Variants in IGF1R observed in about 807,000 individuals in gnomAD.
IGF1R encodes insulin-like growth factor 1 receptor.
A neutral mutation model predicts 144.6 loss-of-function variants in IGF1R; 44 were observed. The ratio of observed to expected loss-of-function variants is 0.30; its 90% CI spans 0.24 to 0.39. IGF1R has a LOEUF of 0.39. Among genes scored for constraint, IGF1R ranks in the 10% least tolerant of loss-of-function variants. The probability of loss-of-function intolerance (pLI) is 1.00; values close to 1 mark genes in which losing one functional copy is unlikely to be tolerated. For missense variants in IGF1R, 1,355 were observed against 1,833.7 expected (o/e 0.74, Z 4.77); for synonymous variants, 795 against 722.8 (o/e 1.10, Z -1.60).
chr15:98,908,812 A>G lies in IGF1R; in HGVS notation c.1375A>G (p.Ile459Val). 1 of 1,614,154 alleles carries G rather than the reference A, an allele frequency of 6.2e-7. No individual in the cohort carries two copies. The highest frequency in any genetic ancestry group is 8.5e-7 in the Non-Finnish European group (1 of 1,180,014). ...AFNPKLCVSE[I>V]YRMEEVTGTK... ...CAATCCCAAATTATGTGTTTCCGAA[A>G]TTTACCGCATGGAGGAAGTGACGGG... Residue 459 changes from isoleucine to valine, a missense_variant, in exon 6 of 21, where the codon ATT becomes GTT. Ile to Val is a conservative substitution (Grantham distance 29, BLOSUM62 3). Transcript: ENST00000650285.
At chr15:98,824,518 G>A (rs1160830150) in intron 2 of IGF1R, among the ~76,000 whole-genome samples, 1 of 152,212 alleles carries the variant, frequency 6.6e-6, no homozygotes, top group Non-Finnish European at 1.5e-5. Flanking sequence ...TCTCTGTGAT[G>A]TGAAGTCCTA....
chr15:98,723,726 C>T (rs1167369930), intron 2 of IGF1R, among the ~76,000 whole-genome samples: 1 of 152,188 alleles, frequency 6.6e-6, no homozygotes, highest in Non-Finnish European at 1.5e-5. Context: ...CATCCCCGGG[C>T]CTGGAAGATA....
At chr15:98,896,392 G>A (rs2014198950) in intron 3 of IGF1R, among the ~76,000 whole-genome samples, 1 of 152,130 alleles carries the variant, frequency 6.6e-6, no homozygotes, top group Non-Finnish European at 1.5e-5. Context: ...AAGCAGCTCT[G>A]TTTTCCTCCA....
chr15:98,852,115 G>A (rs2011551603), intron 2 of IGF1R, among the ~76,000 whole-genome samples: 2 of 152,344 alleles, frequency 1.3e-5, no homozygotes, highest in South Asian at 4.1e-4. Flanking sequence ...TAAAACCTAA[G>A]ACGAAGAAGA....
Position 98,948,691 on chromosome 15 carries a change from C to A in IGF1R, c.3705C>A (p.Asp1235Glu), listed in dbSNP as rs1267599624. The change falls in exon 20 of 21, where the codon GAC becomes GAA. Residue 1235 changes from aspartate to glutamate, a missense_variant. This residue lies in a region of IGF1R where 219 missense variants were observed against 188.8 expected (regional missense o/e 1.16). Transcript: ENST00000650285. ...AGGGCGGCCTTCTGGACAAGCCAGA[C>A]AACTGTCCTGACATGCTGTACGTAC... ...VMEGGLLDKP[D>E]NCPDMLFELM... The A allele has an allele frequency of 5.6e-6, 9 of 1,614,064 alleles. No homozygotes were observed. Among genetic ancestry groups the A allele is most frequent in the Non-Finnish European group, 7.6e-6 (9 of 1,180,036 alleles).
intron 10 of IGF1R, among the ~76,000 whole-genome samples, chr15:98,921,603 C>T (rs1302916082): frequency 6.6e-6 from 1 of 151,998 alleles, no homozygotes; most frequent in African/African-American, 2.4e-5. Context: ...AGAGAGAGCC[C>T]TGGGGTCCGT....
At chr15:98,850,947 T>C (rs1009496916) in intron 2 of IGF1R, among the ~76,000 whole-genome samples, 5 of 152,102 alleles carry the variant, frequency 3.3e-5, no homozygotes, top group Admixed American at 1.3e-4. Context: ...CCTGGTATGC[T>C]CAGGGTCTAC....
At chr15:98,952,303 A>ACACACACACACACACAC (rs2016808542) in intron 20 of IGF1R, among the ~76,000 whole-genome samples, 1 of 146,572 alleles carries the variant, frequency 6.8e-6, no homozygotes, top group Admixed American at 6.8e-5. Flanking sequence ...GTACCCCACC[A>ACACACACACACACACAC]ACACACACAC....
At chr15:98,831,926 G>GCCACCTA (rs1392644707) in intron 2 of IGF1R, among the ~76,000 whole-genome samples, 4 of 152,072 alleles carry the variant, frequency 2.6e-5, no homozygotes, top group Admixed American at 6.5e-5. Flanking sequence ...CTGGTTTCTA[G>GCCACCTA]GTGGGTAAGG....
chr15:98,701,635 G>A lies in IGF1R; in HGVS notation c.95-5927G>A, dbSNP rs1021293111. Among the ~76,000 whole-genome samples, 22 of 152,130 alleles carry A rather than the reference G, an allele frequency of 1.4e-4. No individual in the cohort carries two copies. The South Asian group carries it at 1.7e-3, about 11-fold the overall frequency. Reference sequence around the variant, plus strand: ...ATTACAGGCATGAGCCGCCGCACCCGGCCAACCTATCCCATATTTTTAAAG... The same window carrying A: ...ATTACAGGCATGAGCCGCCGCACCCAGCCAACCTATCCCATATTTTTAAAG... On this transcript the variant is annotated intron_variant, in intron 1 of 20. Transcript: ENST00000650285.
intron 2 of IGF1R, among the ~76,000 whole-genome samples, chr15:98,792,730 T>A (rs2056155022): frequency 6.6e-6 from 1 of 152,248 alleles, no homozygotes; most frequent in Non-Finnish European, 1.5e-5. Flanking sequence ...GGCTGCTTCC[T>A]TGAACTTAGC....
At chr15:98,763,780 C>A (rs1025652704) in intron 2 of IGF1R, among the ~76,000 whole-genome samples, 1 of 152,152 alleles carries the variant, frequency 6.6e-6, no homozygotes, top group Non-Finnish European at 1.5e-5. Flanking sequence ...CCGAATAAAG[C>A]CTACTTCCAA....
intron 2 of IGF1R, among the ~76,000 whole-genome samples, chr15:98,862,144 T>G (rs1372112851): frequency 1.3e-5 from 2 of 152,212 alleles, no homozygotes; most frequent in Non-Finnish European, 2.9e-5. Flanking sequence ...CAATAAAGAT[T>G]TTTGCTGTTG....
chr15:98,931,865 A>G (rs997146122), intron 15 of IGF1R, among the ~76,000 whole-genome samples: 2 of 152,192 alleles, frequency 1.3e-5, no homozygotes, highest in African/African-American at 2.4e-5. Context: ...ATCCAGCAAG[A>G]AGATAGATAT....
At chr15:98,676,046 T>C (rs933473982) in intron 1 of IGF1R, among the ~76,000 whole-genome samples, 1 of 152,074 alleles carries the variant, frequency 6.6e-6, no homozygotes, top group South Asian at 2.1e-4. Flanking sequence ...GCCTGGCTGG[T>C]GTTGAACTCC....
At chr15:98,853,029 A>G (rs1280097310) in intron 2 of IGF1R, among the ~76,000 whole-genome samples, 5 of 152,148 alleles carry the variant, frequency 3.3e-5, no homozygotes, top group Admixed American at 6.5e-5. Flanking sequence ...GGGCAGATCG[A>G]TTTTGATTAG....
chr15:98,841,944 T>C (rs1360260587), intron 2 of IGF1R, among the ~76,000 whole-genome samples: 3 of 152,230 alleles, frequency 2.0e-5, no homozygotes, highest in Non-Finnish European at 4.4e-5. Context: ...TGTTTCTGTC[T>C]TCCTGGAAAA....
intron 2 of IGF1R, among the ~76,000 whole-genome samples, chr15:98,855,839 G>C (rs1023985696): frequency 2.0e-5 from 3 of 152,230 alleles, no homozygotes; most frequent in Non-Finnish European, 4.4e-5. Flanking sequence ...TTTTAAAACA[G>C]TGGAGTTATT....
chr15:98,657,219 G>A (rs1746290972), intron 1 of IGF1R, among the ~76,000 whole-genome samples: 1 of 152,194 alleles, frequency 6.6e-6, no homozygotes, highest in African/African-American at 2.4e-5. Flanking sequence ...ATGGTAATTA[G>A]GGAGAGATGA....
Sources: allele counts gnomAD v4.1 joint callset (sites outside exome capture counted in the v4.1 genomes callset), GRCh38; gene constraint gnomAD v4.1.1; regional missense constraint gnomAD v4.1.1; transcripts MANE v1.5; gene names NCBI Gene and HGNC (gene_info 2026-07-23, HGNC 2026-07-21).